Variants in MCOLN2 observed in about 807,000 individuals in gnomAD.
The protein encoded by MCOLN2 is mucolipin TRP cation channel 2, also known as mucolipin-2.
A neutral mutation model predicts 67.5 loss-of-function variants in MCOLN2; 57 were observed. The ratio of observed to expected loss-of-function variants is 0.84; its 90% CI spans 0.68 to 1.05. MCOLN2 has a LOEUF of 1.05. MCOLN2 is among the 50% of genes least tolerant of loss of function. The pLI is 0.00. For synonymous variants in MCOLN2, 246 were observed against 233.3 expected, an observed-to-expected ratio of 1.05 and a Z score of -0.50; for missense variants, 620 against 678.8, an observed-to-expected ratio of 0.91 and a Z score of 0.96.
chr1:84,994,046 T>C (rs1013930819), intron 1 of MCOLN2, among the ~76,000 whole-genome samples: 4 of 152,210 alleles, frequency 2.6e-5, no homozygotes, highest in African/African-American at 7.2e-5. Context: ...TCAGAACTTT[T>C]CAATGATCAG....
In MCOLN2 at chr1:84,931,548, A is replaced by C. The variant is rs1228844143; in HGVS notation, c.1356T>G (p.Val452=). The C allele has an allele frequency of 2.5e-6, 4 of 1,614,000 alleles. No individual in the cohort carries two copies. In the South Asian group the frequency reaches 4.4e-5, roughly 18 times the overall value. Residue 452 remains valine, a synonymous_variant, in exon 12 of 14, where the codon GTT becomes GTG. Transcript: ENST00000370608. ...YHDKFENLNT[V]AECLFSLVNG... ...TGACCAGAGAAAACAGACACTCAGC[A>C]ACTGTGTTCAGATTTTCAAACTGTA...
intron 11 of MCOLN2, among the ~76,000 whole-genome samples, chr1:84,932,271 G>C (rs188426268): frequency 1.4e-4 from 22 of 152,302 alleles, no homozygotes; most frequent in African/African-American, 5.3e-4. Context: ...CTGGAGTGCA[G>C]TGCAATCCCA....
chr1:84,936,297 C>T (rs574956564), intron 11 of MCOLN2, among the ~76,000 whole-genome samples: 4 of 152,092 alleles, frequency 2.6e-5, no homozygotes, highest in South Asian at 2.1e-4. Flanking sequence ...GTAGGGGAGA[C>T]GGGGATGGGG....
In MCOLN2 at chr1:84,956,411, T is replaced by A; in HGVS notation, c.565+20A>T. ...ACCAGAAGACGATAAAGGTACATCA[T>A]GAAATTATCACTGCATTACCGAGCT... is the stretch of plus-strand genomic sequence containing the variant. On this transcript the variant is annotated intron_variant, in intron 4 of 13. Coordinates refer to ENST00000370608, the MANE Select transcript of MCOLN2 (RefSeq NM_153259.4). The A allele has an allele frequency of 1.2e-6, 2 of 1,601,562 alleles. No individual in the cohort carries two copies. The highest frequency in any genetic ancestry group is 1.7e-6 in the Non-Finnish European group (2 of 1,175,732).
intron 12 of MCOLN2, chr1:84,929,922 G>T (rs796509258): frequency 1.1e-5 from 3 of 274,276 alleles, no homozygotes; most frequent in East Asian, 6.8e-5. Flanking sequence ...GAGCCAGGGA[G>T]AGGTTTTTTT....
At position 84,931,369 on chromosome 1, in the gene MCOLN2, G is replaced by T; in HGVS notation, c.1535C>A (p.Thr512Asn). Residue 512 changes from threonine to asparagine, a missense_variant, in exon 12 of 14, where the codon ACC becomes AAC. Transcript: ENST00000370608. ...ATTTTGATAATTACTTACCTTAATG[G>T]TGTCATAAGAATCTGTAATAAGTGC... ...FIALITDSYD[T>N]IKKFQQNGFP... The T allele has an allele frequency of 1.3e-6, 2 of 1,536,968 alleles. No homozygotes were observed. Among genetic ancestry groups the T allele is most frequent in the Non-Finnish European group, 1.8e-6 (2 of 1,111,450 alleles).
At chr1:84,985,107 A>G (rs990895844) in intron 1 of MCOLN2, among the ~76,000 whole-genome samples, 1 of 152,206 alleles carries the variant, frequency 6.6e-6, no homozygotes, top group Non-Finnish European at 1.5e-5. Flanking sequence ...GGAAAAAAAA[A>G]AAAGTAAAGC....
At chr1:84,987,577 C>CATCTATGT (rs1650654761) in intron 1 of MCOLN2, among the ~76,000 whole-genome samples, 8 of 75,260 alleles carry the variant, frequency 1.1e-4, no homozygotes, top group Admixed American at 4.7e-4. Flanking sequence ...TAGATGTATA[C>CATCTATGT]ATAGATATAT....
In MCOLN2 at chr1:84,967,495, A is replaced by G. The variant is rs191829787; in HGVS notation, c.78-1787T>C. Among the ~76,000 whole-genome samples the G allele has an allele frequency of 2.3e-4, 35 of 152,322 alleles. 1 individual carries two copies. In the East Asian group the frequency reaches 4.6e-3, roughly 20 times the overall value. ...ATATTTTTATACTGACTGATGATCT[A>G]TGTTATCTGCCTTGACTGACGAATC... On this transcript the variant is annotated intron_variant, in intron 1 of 13. Coordinates refer to ENST00000370608, the MANE Select transcript of MCOLN2 (RefSeq NM_153259.4).
intron 7 of MCOLN2, among the ~76,000 whole-genome samples, chr1:84,941,765 G>C (rs1356716770): frequency 6.6e-6 from 1 of 152,154 alleles, no homozygotes; most frequent in Non-Finnish European, 1.5e-5. Flanking sequence ...ACCTCACTGT[G>C]CACTTTCCCA....
intron 8 of MCOLN2, 38 bp from the exon 9 acceptor site, chr1:84,939,740 A>C (rs1647643974): frequency 6.2e-7 from 1 of 1,608,258 alleles, no homozygotes; most frequent in South Asian, 1.1e-5. Context: ...CTTACAAACC[A>C]CACTGCCCTC....
At position 84,939,592 on chromosome 1, in the gene MCOLN2, T is replaced by A. The variant is rs754030054; in HGVS notation, c.1071A>T (p.Thr357=). The A allele has an allele frequency of 1.7e-5, 28 of 1,614,122 alleles. No individual in the cohort carries two copies. The East Asian group carries it at 6.2e-4, about 36-fold the overall frequency. The change falls in exon 9 of 14, where the codon ACA becomes ACT. Residue 357 remains threonine, a synonymous_variant. Transcript: ENST00000370608. The part of the protein sequence containing the change: ...YVLVIISDLM[T]IIGSILKMEI... ...CCATTTTTAATATGGAGCCAATGAT[T>A]GTCATTAGGTCGCTGATAATCACCA...
chr1:84,931,763 T>G (rs1441106650), intron 11 of MCOLN2, among the ~76,000 whole-genome samples, 195 bp from the exon 12 acceptor site: 1 of 152,118 alleles, frequency 6.6e-6, no homozygotes, highest in Non-Finnish European at 1.5e-5. Context: ...CAGTGGCTCA[T>G]CCCTACAATC....
Position 84,931,392 on chromosome 1 carries a change from T to C in MCOLN2, c.1512A>G (p.Ala504=). The C allele has an allele frequency of 6.3e-7, 1 of 1,592,128 alleles. No homozygotes were observed. Residue 504 remains alanine (A), a synonymous_variant, in exon 12 of 14, where the codon GCA becomes GCG. Transcript: ENST00000370608. The part of the protein sequence containing the change: ...FIYMILSLFI[A]LITDSYDTIK... ...TGGTGTCATAAGAATCTGTAATAAG[T>C]GCAATAAAAAGACTGAGAATCATAT...
chr1:84,927,171 T>G (rs1309310392), intron 13 of MCOLN2, among the ~76,000 whole-genome samples: 1 of 151,094 alleles, frequency 6.6e-6, no homozygotes, highest in Non-Finnish European at 1.5e-5. Context: ...ACCTGCACGT[T>G]CAGCACATGT....
chr1:84,928,377 T>A (rs1661254784), intron 13 of MCOLN2, among the ~76,000 whole-genome samples: 1 of 152,136 alleles, frequency 6.6e-6, no homozygotes. Flanking sequence ...AGACCCAATC[T>A]TACCCAAACG....
intron 2 of MCOLN2, among the ~76,000 whole-genome samples, chr1:84,960,437 T>C (rs1035433399): frequency 6.6e-6 from 1 of 152,222 alleles, no homozygotes; most frequent in Non-Finnish European, 1.5e-5. Flanking sequence ...ACTTAAGTGC[T>C]AGCTTTTCAA....
intron 12 of MCOLN2, among the ~76,000 whole-genome samples, chr1:84,930,653 C>G (rs755185549): frequency 6.6e-6 from 1 of 152,110 alleles, no homozygotes; most frequent in Non-Finnish European, 1.5e-5. Flanking sequence ...CAAAAGGTAG[C>G]GGACTGGGTT....
At chr1:84,985,194 T>C (rs1650446476) in intron 1 of MCOLN2, among the ~76,000 whole-genome samples, 1 of 151,936 alleles carries the variant, frequency 6.6e-6, no homozygotes, top group East Asian at 1.9e-4. Context: ...AAACACTGGG[T>C]TCCCATTTCT....
Sources: gnomAD v4.1 joint callset for allele counts (sites outside exome capture counted in the v4.1 genomes callset) on GRCh38, gnomAD v4.1.1 for gene constraint, MANE v1.5 for transcripts, NCBI Gene and HGNC (gene_info 2026-07-23, HGNC 2026-07-21) for gene names.